RNF180: variants seen among roughly 807,000 people sequenced by gnomAD.
The protein encoded by RNF180 is ring finger protein 180.
A neutral mutation model predicts 59.2 loss-of-function variants in RNF180; 38 were observed. The observed-to-expected ratio is 0.64, with a 90% CI of 0.50 to 0.84. RNF180 has a LOEUF of 0.84. RNF180 is among the 40% of genes least tolerant of loss of function. The pLI is 0.00. For missense variants in RNF180, 705 were observed against 700.9 expected (o/e 1.01, Z -0.07); for synonymous variants, 262 against 240.3 (o/e 1.09, Z -0.84).
At chr5:64,306,294 G>A (rs1341987500) in intron 5 of RNF180, among the ~76,000 whole-genome samples, 7 of 151,584 alleles carry the variant, frequency 4.6e-5, no homozygotes, top group Admixed American at 4.6e-4. Flanking sequence ...TTATACTGTT[G>A]ATGATATCAC....
At chr5:64,260,046 A>G (rs1160557663) in intron 5 of RNF180, among the ~76,000 whole-genome samples, 1 of 152,230 alleles carries the variant, frequency 6.6e-6, no homozygotes, top group African/African-American at 2.4e-5. Flanking sequence ...CTCATTTCTT[A>G]TTGACTTTAT....
chr5:64,254,828 G>A (rs563855226), intron 5 of RNF180, among the ~76,000 whole-genome samples: 43 of 152,208 alleles, frequency 2.8e-4, no homozygotes, highest in African/African-American at 1.0e-3. Flanking sequence ...ATACTAAAAG[G>A]TAACTTTCTG....
At chr5:64,278,034 C>T (rs1407605192) in intron 5 of RNF180, among the ~76,000 whole-genome samples, 1 of 152,102 alleles carries the variant, frequency 6.6e-6, no homozygotes, top group Non-Finnish European at 1.5e-5. Context: ...TATTATATTT[C>T]ATTGTTTCAT....
chr5:64,305,549 C>T lies in RNF180; in HGVS notation c.1228-19637C>T, dbSNP rs903446863. 5.3e-5 allele frequency among the ~76,000 whole-genome samples: 8 copies of T among 151,378 alleles called. 1 individual carries two copies. The highest frequency in any genetic ancestry group is 3.3e-4 in the Admixed American group (5 of 15,118). The stretch of plus-strand genomic sequence containing the variant: ...CTACAGGTGACAGTTTTACCATATG[C>T]GTCACCAGTGTATGAGTTCTATTTT... On this transcript the variant is annotated intron_variant, in intron 5 of 7. Transcript: ENST00000389100.
intron 7 of RNF180, among the ~76,000 whole-genome samples, chr5:64,365,217 A>G (rs1042629521): frequency 2.6e-5 from 4 of 151,138 alleles, no homozygotes; most frequent in African/African-American, 9.7e-5. Context: ...AACTCTTCTC[A>G]TTAGTTTCAA....
intron 7 of RNF180, among the ~76,000 whole-genome samples, chr5:64,348,217 AAGAG>A (rs1184417818): frequency 1.3e-5 from 2 of 152,004 alleles, no homozygotes; most frequent in African/African-American, 2.4e-5. Flanking sequence ...TCTAATAGCA[AAGAG>A]AGAAAACAAT....
At chr5:64,294,874 A>G (rs554174557) in intron 5 of RNF180, among the ~76,000 whole-genome samples, 13 of 152,214 alleles carry the variant, frequency 8.5e-5, no homozygotes, top group African/African-American at 2.4e-4. Context: ...GTGTAACCCA[A>G]TCCTCACCAA....
chr5:64,367,965 G>C (rs536253942), intron 7 of RNF180, among the ~76,000 whole-genome samples: 101 of 151,592 alleles, frequency 6.7e-4, no homozygotes, highest in African/African-American at 2.2e-3. Flanking sequence ...TTTATATATT[G>C]GTCAACCAAA....
chr5:64,208,403 A>G lies in RNF180; in HGVS notation c.136-3662A>G, dbSNP rs115399449. Among the ~76,000 whole-genome samples the G allele has an allele frequency of 9.0e-3, 1,367 of 152,120 alleles. 23 individuals are homozygous for G. The highest frequency in any genetic ancestry group is 0.03 in the African/African-American group (1,234 of 41,534). ...CCCGAGGAGATAACTTGTTGTGCTA[A>G]TACTTTGATGGCTTTAAATTCCTAA... is the stretch of plus-strand genomic sequence containing the variant. On this transcript the variant is annotated intron_variant, in intron 2 of 7. Transcript: ENST00000389100.
At chr5:64,227,638 G>T (rs1249569018) in intron 5 of RNF180, among the ~76,000 whole-genome samples, 1 of 152,180 alleles carries the variant, frequency 6.6e-6, no homozygotes, top group Admixed American at 6.5e-5. Flanking sequence ...ACTCTGCAAA[G>T]AAATGACTAA....
intron 5 of RNF180, among the ~76,000 whole-genome samples, chr5:64,281,920 A>C (rs1742031618): frequency 6.6e-6 from 1 of 152,136 alleles, no homozygotes; most frequent in African/African-American, 2.4e-5. Context: ...TGATTTGCAT[A>C]TGTTGGACCT....
chr5:64,299,249 T>C (rs955709981), intron 5 of RNF180, among the ~76,000 whole-genome samples: 1 of 151,956 alleles, frequency 6.6e-6, no homozygotes, highest in Non-Finnish European at 1.5e-5. Flanking sequence ...CTGTTGTTTA[T>C]AAGCCATTCA....
chr5:64,260,508 T>A (rs900935247), intron 5 of RNF180, among the ~76,000 whole-genome samples: 1 of 152,210 alleles, frequency 6.6e-6, no homozygotes, highest in Admixed American at 6.5e-5. Flanking sequence ...GTAGGTCATG[T>A]TACTTCTGTA....
At chr5:64,178,611 T>C (rs531446059) in intron 1 of RNF180, among the ~76,000 whole-genome samples, 48 of 152,374 alleles carry the variant, frequency 3.2e-4, no homozygotes, top group African/African-American at 1.1e-3. Context: ...CATTGTATGA[T>C]TGATGCATTG....
At chr5:64,262,294 TAAAAGCA>T (rs1379621436) in intron 5 of RNF180, among the ~76,000 whole-genome samples, 1 of 152,156 alleles carries the variant, frequency 6.6e-6, no homozygotes, top group Admixed American at 6.6e-5. Context: ...CATAAATAAG[TAAAAGCA>T]GTTTGGGGGA....
At chr5:64,311,313 A>G (rs997788546) in intron 5 of RNF180, among the ~76,000 whole-genome samples, 5 of 152,010 alleles carry the variant, frequency 3.3e-5, no homozygotes, top group African/African-American at 1.2e-4. Context: ...CAAACTGTAA[A>G]AGCATAGATC....
chr5:64,315,139 T>C (rs1471003261), intron 5 of RNF180, among the ~76,000 whole-genome samples: 1 of 152,234 alleles, frequency 6.6e-6, no homozygotes, highest in Non-Finnish European at 1.5e-5. Flanking sequence ...TATTTTATTA[T>C]GCAGTGTCAA....
chr5:64,323,666 C>T (rs1469643508), intron 5 of RNF180, among the ~76,000 whole-genome samples: 1 of 152,056 alleles, frequency 6.6e-6, no homozygotes, highest in Non-Finnish European at 1.5e-5. Context: ...ACTACAGAAC[C>T]TGTAGAGAAA....
At chr5:64,243,337 C>T (rs774412422) in intron 5 of RNF180, among the ~76,000 whole-genome samples, 6 of 152,186 alleles carry the variant, frequency 3.9e-5, no homozygotes, top group Non-Finnish European at 8.8e-5. Flanking sequence ...TTCACTGGCT[C>T]AAAATTATTG....
Sources: gnomAD v4.1 joint callset for allele counts (sites outside exome capture counted in the v4.1 genomes callset) on GRCh38, gnomAD v4.1.1 for gene constraint, MANE v1.5 for transcripts, NCBI Gene and HGNC (gene_info 2026-07-23, HGNC 2026-07-21) for gene names.